PTPRD: variants seen among roughly 807,000 people sequenced by gnomAD.
PTPRD encodes protein tyrosine phosphatase receptor type D.
A neutral mutation model predicts 214.5 loss-of-function variants in PTPRD; 34 were observed. The ratio of observed to expected loss-of-function variants is 0.16; its 90% CI spans 0.12 to 0.21. The LOEUF (loss-of-function observed/expected upper bound fraction) is 0.21. Ranked by LOEUF, PTPRD falls within the 10% of genes least tolerant of loss-of-function variation. The probability of loss-of-function intolerance (pLI) is 1.00; values close to 1 mark genes in which losing one functional copy is unlikely to be tolerated. For missense variants in PTPRD, 2,545 were observed against 2,398.7 expected, an observed-to-expected ratio of 1.06 and a Z score of -1.27; for synonymous variants, 1,128 against 845.7, an observed-to-expected ratio of 1.33 and a Z score of -5.79.
intron 11 of PTPRD, among the ~76,000 whole-genome samples, chr9:8,745,479 T>C (rs1003653803): frequency 6.6e-6 from 1 of 152,148 alleles, no homozygotes; most frequent in South Asian, 2.1e-4. Flanking sequence ...GATGAAAGAA[T>C]CTCACTGAAT....
intron 13 of PTPRD, among the ~76,000 whole-genome samples, chr9:8,634,357 T>C (rs530310745): frequency 6.6e-6 from 1 of 152,218 alleles, no homozygotes; most frequent in Non-Finnish European, 1.5e-5. Flanking sequence ...GTGCCTTTTT[T>C]CTCTTGTATT....
At chr9:8,483,482 G>A (rs934455439) in intron 30 of PTPRD, among the ~76,000 whole-genome samples, 1 of 152,148 alleles carries the variant, frequency 6.6e-6, no homozygotes, top group African/African-American at 2.4e-5. Context: ...GCCGGGCGCG[G>A]TGGCTCATGC....
chr9:8,380,183 A>C (rs1219368245), intron 37 of PTPRD, among the ~76,000 whole-genome samples: 3 of 152,170 alleles, frequency 2.0e-5, no homozygotes, highest in Non-Finnish European at 4.4e-5. Flanking sequence ...AGGATTTTCT[A>C]GGTGCAAAGC....
intron 12 of PTPRD, chr9:8,713,659 C>A: frequency 6.6e-7 from 1 of 1,512,136 alleles, no homozygotes; most frequent in Non-Finnish European, 9.1e-7. Flanking sequence ...GGGCGCCCGG[C>A]ACCGCGCCCG....
At chr9:9,598,005 A>C (rs2154335069) in intron 7 of PTPRD, among the ~76,000 whole-genome samples, 1 of 152,138 alleles carries the variant, frequency 6.6e-6, no homozygotes, top group African/African-American at 2.4e-5. Flanking sequence ...TATCCTGATT[A>C]AAGACCTTTT....
intron 3 of PTPRD, among the ~76,000 whole-genome samples, chr9:10,051,022 G>A (rs189316913): frequency 6.8e-4 from 103 of 152,022 alleles, no homozygotes; most frequent in Non-Finnish European, 1.2e-3. Context: ...TATGCTAAAT[G>A]TACTTTAAGC....
chr9:9,132,268 C>G (rs1051811477), intron 10 of PTPRD, among the ~76,000 whole-genome samples: 5 of 152,148 alleles, frequency 3.3e-5, no homozygotes, highest in Non-Finnish European at 5.9e-5. Flanking sequence ...TTCGGCCTCC[C>G]AAATTGCTGG....
intron 4 of PTPRD, among the ~76,000 whole-genome samples, chr9:10,008,054 T>A (rs995174052): frequency 6.6e-6 from 1 of 151,966 alleles, no homozygotes; most frequent in Non-Finnish European, 1.5e-5. Context: ...AAGGCAAACC[T>A]GCAAATCTGG....
chr9:9,489,806 AAAG>A (rs1410712742), intron 8 of PTPRD, among the ~76,000 whole-genome samples: 3 of 145,736 alleles, frequency 2.1e-5, no homozygotes, highest in South Asian at 2.2e-4. Context: ...CTGTAGAATA[AAAG>A]AAGAAGGAAG....
chr9:10,362,725 T>C (rs918508425), intron 2 of PTPRD, among the ~76,000 whole-genome samples: 1 of 151,658 alleles, frequency 6.6e-6, no homozygotes, highest in Non-Finnish European at 1.5e-5. Context: ...ATTAAAAATA[T>C]AAAAATTAGC....
chr9:10,349,003 A>G (rs1358118464), intron 2 of PTPRD, among the ~76,000 whole-genome samples: 1 of 152,098 alleles, frequency 6.6e-6, no homozygotes, highest in East Asian at 1.9e-4. Context: ...TACAGGGGAC[A>G]TAGGACAGAA....
intron 35 of PTPRD, 60 bp downstream of exon 35, chr9:8,436,532 G>T: frequency 7.6e-7 from 1 of 1,314,428 alleles, no homozygotes. Flanking sequence ...CAAGAATATG[G>T]TCAAAAAAAG....
intron 8 of PTPRD, among the ~76,000 whole-genome samples, chr9:9,497,644 A>C (rs1005067112): frequency 6.6e-6 from 1 of 152,162 alleles, no homozygotes; most frequent in African/African-American, 2.4e-5. Flanking sequence ...GACTGTTAGA[A>C]GTTATCTCAA....
chr9:9,097,225 C>T (rs918941310), intron 10 of PTPRD, among the ~76,000 whole-genome samples: 6 of 152,110 alleles, frequency 3.9e-5, no homozygotes, highest in Admixed American at 1.3e-4. Flanking sequence ...TGCATGTGGG[C>T]GAAGGACTTG....
chr9:10,394,728 G>C (rs1231839611), intron 2 of PTPRD, among the ~76,000 whole-genome samples: 1 of 151,746 alleles, frequency 6.6e-6, no homozygotes, highest in East Asian at 1.9e-4. Context: ...AATAGTAAAT[G>C]TACAATGATT....
chr9:9,542,029 A>G (rs761634634), intron 8 of PTPRD, among the ~76,000 whole-genome samples: 2 of 151,846 alleles, frequency 1.3e-5, no homozygotes, highest in Non-Finnish European at 2.9e-5. Context: ...AAGAGACAAC[A>G]CAGTAGAGAA....
At chr9:8,535,959 A>G (rs999495107) in intron 14 of PTPRD, among the ~76,000 whole-genome samples, 2 of 151,950 alleles carry the variant, frequency 1.3e-5, no homozygotes, top group African/African-American at 4.8e-5. Flanking sequence ...CAAATTTAAA[A>G]TTTTACCTAA....
intron 11 of PTPRD, among the ~76,000 whole-genome samples, chr9:8,971,545 G>C (rs1386814476): frequency 6.6e-6 from 1 of 151,648 alleles, no homozygotes; most frequent in African/African-American, 2.4e-5. Context: ...TAAGTGTTTA[G>C]GATGAGGTCT....
intron 8 of PTPRD, among the ~76,000 whole-genome samples, chr9:9,486,310 TGC>T (rs2095634997): frequency 6.6e-6 from 1 of 152,096 alleles, no homozygotes; most frequent in South Asian, 2.1e-4. Context: ...ATTGTTAGGC[TGC>T]TGTTTCAGTC....
Sources: gnomAD v4.1 joint callset for allele counts (sites outside exome capture counted in the v4.1 genomes callset) on GRCh38, gnomAD v4.1.1 for gene constraint, MANE v1.5 for transcripts, NCBI Gene and HGNC (gene_info 2026-07-23, HGNC 2026-07-21) for gene names.